Variants in ATP8A1 observed in about 807,000 individuals in gnomAD.
The protein encoded by ATP8A1 is phospholipid-transporting ATPase IA.
In ATP8A1, 90 loss-of-function variants were observed where a neutral mutation model predicts 177.7. The observed-to-expected ratio is 0.51, with a 90% CI of 0.43 to 0.60. The LOEUF is 0.60. Ranked by LOEUF, ATP8A1 falls within the 20% of genes least tolerant of loss-of-function variation. The pLI, the probability that ATP8A1 is intolerant of heterozygous loss-of-function variation, is 0.00. For synonymous variants in ATP8A1, 493 were observed against 485.9 expected (o/e 1.01, Z -0.19); for missense variants, 1,072 against 1,392.8 (o/e 0.77, Z 3.67).
In ATP8A1 at chr4:42,592,884, T is replaced by C. The variant is rs568867948; in HGVS notation, c.451-2000A>G. 5.3e-5 allele frequency among the ~76,000 whole-genome samples: 8 copies of C among 152,266 alleles called. No individual in the cohort carries two copies. In the East Asian group the frequency reaches 1.5e-3, roughly 29 times the overall value. On this transcript the variant is annotated intron_variant, in intron 6 of 36. Transcript: ENST00000381668. The stretch of plus-strand genomic sequence containing the variant: ...ATGGGACCACCGTTGTATATGTGTT[T>C]CGTAATTGACCAAAATGTTGTTATG...
intron 1 of ATP8A1, among the ~76,000 whole-genome samples, chr4:42,642,580 C>T (rs891943584): frequency 6.6e-6 from 1 of 152,122 alleles, no homozygotes; most frequent in Admixed American, 6.5e-5. Flanking sequence ...TGCTCAGTGA[C>T]ATTAAAGCAA....
intron 5 of ATP8A1, among the ~76,000 whole-genome samples, chr4:42,615,459 A>C (rs1036952603): frequency 2.0e-5 from 3 of 152,182 alleles, no homozygotes; most frequent in Non-Finnish European, 4.4e-5. Flanking sequence ...TTAAAAAAAA[A>C]AAATCTTAGA....
chr4:42,587,608 C>T (rs1733751756), intron 8 of ATP8A1, among the ~76,000 whole-genome samples: 1 of 138,250 alleles, frequency 7.2e-6, no homozygotes, highest in African/African-American at 2.8e-5. Flanking sequence ...CATCCTTGTA[C>T]AGCTTTTTTT....
chr4:42,573,115 C>G (rs1361354912), intron 14 of ATP8A1, among the ~76,000 whole-genome samples: 1 of 152,128 alleles, frequency 6.6e-6, no homozygotes, highest in Non-Finnish European at 1.5e-5. Context: ...CGGAAGAAAA[C>G]AGAGGCTAGA....
intron 35 of ATP8A1, among the ~76,000 whole-genome samples, chr4:42,422,344 C>T (rs567636628): frequency 1.3e-5 from 2 of 152,146 alleles, no homozygotes; most frequent in Non-Finnish European, 2.9e-5. Context: ...CCCGCCTCGG[C>T]CTCCTAAAGT....
intron 4 of ATP8A1, 143 bp downstream of exon 4, chr4:42,624,393 G>A (rs913980691): frequency 1.6e-5 from 7 of 441,180 alleles, no homozygotes; most frequent in African/African-American, 1.4e-4. Flanking sequence ...TTCAGGGATA[G>A]GAACATATTC....
rs555630083 is a variant in ATP8A1, at chr4:42,566,276, C to T, written c.1340+2885G>A. ...AGTCGGGCAGTAAAATACACATAAG[C>T]TCATGGGTTTTATACATGGAATTCA... On this transcript the variant is annotated intron_variant, in intron 15 of 36. Transcript: ENST00000381668. 3.3e-5 allele frequency among the ~76,000 whole-genome samples: 5 copies of T among 152,196 alleles called. No individual in the cohort carries two copies. The South Asian group carries it at 1.0e-3, about 32-fold the overall frequency.
intron 30 of ATP8A1, among the ~76,000 whole-genome samples, chr4:42,450,705 C>T (rs1250849274): frequency 2.0e-5 from 3 of 152,218 alleles, no homozygotes; most frequent in Admixed American, 6.5e-5. Context: ...ATACTCACCT[C>T]GCTTATGCCA....
chr4:42,434,875 A>G (rs1385678427), intron 33 of ATP8A1, among the ~76,000 whole-genome samples: 1 of 152,170 alleles, frequency 6.6e-6, no homozygotes, highest in Admixed American at 6.5e-5. Flanking sequence ...GTTAAAGGCA[A>G]CCTAGTCTCT....
intron 1 of ATP8A1, among the ~76,000 whole-genome samples, chr4:42,638,127 T>C (rs1292776158): frequency 6.6e-6 from 1 of 152,214 alleles, no homozygotes; most frequent in African/African-American, 2.4e-5. Context: ...TCTATTTCAA[T>C]ATAAGGCATC....
intron 1 of ATP8A1, among the ~76,000 whole-genome samples, chr4:42,643,178 C>T: frequency 6.6e-6 from 1 of 152,190 alleles, no homozygotes; most frequent in East Asian, 1.9e-4. Flanking sequence ...TTCCCAGATA[C>T]CTAAAATTCA....
chr4:42,571,524 A>G (rs1244665312), intron 14 of ATP8A1, among the ~76,000 whole-genome samples: 1 of 147,294 alleles, frequency 6.8e-6, no homozygotes, highest in African/African-American at 2.5e-5. Flanking sequence ...TCTTCACTCT[A>G]TTGAGATTTG....
intron 33 of ATP8A1, among the ~76,000 whole-genome samples, chr4:42,435,461 A>AAAAC (rs1553871738): frequency 0.013 from 1,584 of 121,888 alleles, 66 homozygotes; most frequent in Non-Finnish European, 0.021. Context: ...AAAAAAAAAA[A>AAAAC]AACAAACTAT....
chr4:42,632,165 T>C (rs1428733745), intron 1 of ATP8A1, among the ~76,000 whole-genome samples: 1 of 152,202 alleles, frequency 6.6e-6, no homozygotes, highest in Non-Finnish European at 1.5e-5. Flanking sequence ...AGCACATTTG[T>C]ATAGCAGCTT....
In ATP8A1 at chr4:42,409,446, A is replaced by G; in HGVS notation, c.*3470T>C. The G allele has an allele frequency of 6.6e-6, 1 of 152,174 alleles. No homozygotes were observed. The highest frequency in any genetic ancestry group is 1.9e-4 in the East Asian group (1 of 5,204). 9.4% of individuals were successfully genotyped at this position (152,174 alleles called of 1,614,324 possible). The stretch of plus-strand genomic sequence containing the variant: ...ACGAGTCATTATAGAAATGTTCATC[A>G]TTAAAAAGCATTTATTAGGCACTGA... On this transcript the variant is annotated 3_prime_UTR_variant, in exon 37 of 37. Coordinates refer to ENST00000381668, the MANE Select transcript of ATP8A1 (RefSeq NM_006095.2).
At chr4:42,446,854 G>C (rs1388611252) in intron 30 of ATP8A1, among the ~76,000 whole-genome samples, 1 of 150,198 alleles carries the variant, frequency 6.7e-6, no homozygotes, top group Admixed American at 6.6e-5. Flanking sequence ...CATTGAAGAA[G>C]GAAATCCGAC....
chr4:42,487,391 T>C (rs1011398115), intron 24 of ATP8A1, among the ~76,000 whole-genome samples: 2 of 152,172 alleles, frequency 1.3e-5, no homozygotes, highest in Non-Finnish European at 2.9e-5. Flanking sequence ...GCCAATTTCC[T>C]ATTTCACAAG....
intron 24 of ATP8A1, among the ~76,000 whole-genome samples, chr4:42,502,479 C>A (rs1723951527): frequency 1.3e-5 from 2 of 152,114 alleles, no homozygotes; most frequent in Admixed American, 1.3e-4. Context: ...AAGAATAAGA[C>A]AAAAGAAGCA....
chr4:42,426,511 C>T (rs942184828), intron 33 of ATP8A1, among the ~76,000 whole-genome samples: 2 of 152,230 alleles, frequency 1.3e-5, no homozygotes, highest in African/African-American at 2.4e-5. Context: ...CCCTTCCCAG[C>T]TAATCAGACA....
Sources: allele counts gnomAD v4.1 joint callset (sites outside exome capture counted in the v4.1 genomes callset), GRCh38; gene constraint gnomAD v4.1.1; transcripts MANE v1.5; gene names NCBI Gene and HGNC (gene_info 2026-07-23, HGNC 2026-07-21).